Variants in MDFIC observed in about 807,000 individuals in gnomAD.
MDFIC encodes the protein MyoD family inhibitor domain containing.
MDFIC carries 17 observed loss-of-function variants against 23.2 expected under a neutral mutation model. The observed-to-expected ratio is 0.73, with a 90% CI of 0.50 to 1.10. MDFIC has a LOEUF of 1.10. MDFIC is among the 50% of genes least tolerant of loss of function. The pLI, the probability that MDFIC is intolerant of heterozygous loss-of-function variation, is 0.00. For synonymous variants in MDFIC, 120 were observed against 115.2 expected (o/e 1.04, Z -0.27); for missense variants, 356 against 316.6 (o/e 1.12, Z -0.95).
intron 3 of MDFIC, among the ~76,000 whole-genome samples, chr7:114,952,898 C>T (rs1198126764): frequency 6.6e-6 from 1 of 152,138 alleles, no homozygotes; most frequent in African/African-American, 2.4e-5. Context: ...ATTGCAAAGG[C>T]GCTGTCATAA....
chr7:114,988,454 A>G (rs1793549792), intron 4 of MDFIC, among the ~76,000 whole-genome samples: 1 of 152,138 alleles, frequency 6.6e-6, no homozygotes, highest in Admixed American at 6.6e-5. Context: ...GCTGGAGATG[A>G]AAGTTTGTTC....
chr7:114,950,449 T>C (rs991974574), intron 3 of MDFIC, among the ~76,000 whole-genome samples: 4 of 152,054 alleles, frequency 2.6e-5, no homozygotes, highest in Admixed American at 1.3e-4. Flanking sequence ...GCTACGGCTA[T>C]AAAATGGGTA....
intron 3 of MDFIC, among the ~76,000 whole-genome samples, chr7:114,971,065 T>C (rs1478912665): frequency 1.3e-5 from 2 of 152,238 alleles, no homozygotes; most frequent in Non-Finnish European, 2.9e-5. Flanking sequence ...TTAATAAAGC[T>C]GTCTACTTTT....
At chr7:115,015,059 G>A (rs1011147059) in intron 4 of MDFIC, among the ~76,000 whole-genome samples, 2 of 152,128 alleles carry the variant, frequency 1.3e-5, no homozygotes, top group Non-Finnish European at 2.9e-5. Context: ...CAGAAGAACC[G>A]TTCTAGAAAT....
intron 4 of MDFIC, among the ~76,000 whole-genome samples, chr7:114,990,469 T>A (rs1002087437): frequency 6.6e-6 from 1 of 152,194 alleles, no homozygotes; most frequent in Non-Finnish European, 1.5e-5. Flanking sequence ...TCATTTACAT[T>A]AGGTATATCT....
At chr7:114,939,743 C>T (rs1792501179) in intron 2 of MDFIC, among the ~76,000 whole-genome samples, 2 of 152,120 alleles carry the variant, frequency 1.3e-5, no homozygotes, top group Admixed American at 1.3e-4. Flanking sequence ...TTTATTCATA[C>T]CTATTTTCTT....
chr7:115,005,730 C>T (rs970290266), intron 4 of MDFIC, among the ~76,000 whole-genome samples: 1 of 152,186 alleles, frequency 6.6e-6, no homozygotes, highest in African/African-American at 2.4e-5. Flanking sequence ...TGTTTGTACA[C>T]TAAATTAAGG....
chr7:114,951,227 A>G (rs1792762536), intron 3 of MDFIC, among the ~76,000 whole-genome samples: 1 of 109,040 alleles, frequency 9.2e-6, no homozygotes. Context: ...TAGGAAGAAT[A>G]GCCAGTTGGT....
chr7:114,943,005 T>G (rs1447972241), intron 3 of MDFIC, among the ~76,000 whole-genome samples: 1 of 152,160 alleles, frequency 6.6e-6, no homozygotes, highest in Admixed American at 6.5e-5. Flanking sequence ...TAAGTTCCCC[T>G]AGGTGTGTTC....
At chr7:114,994,890 G>T (rs935591768) in intron 4 of MDFIC, among the ~76,000 whole-genome samples, 5 of 152,112 alleles carry the variant, frequency 3.3e-5, no homozygotes, top group East Asian at 1.9e-4. Flanking sequence ...TTTGAACGTT[G>T]GCCTGCCTTG....
intron 3 of MDFIC, among the ~76,000 whole-genome samples, chr7:114,947,653 G>A (rs987987480): frequency 2.0e-5 from 3 of 152,138 alleles, no homozygotes; most frequent in African/African-American, 7.2e-5. Flanking sequence ...TTTGTTTGGA[G>A]CATTTAATGT....
intron 2 of MDFIC, among the ~76,000 whole-genome samples, chr7:114,924,539 G>A (rs1367527175): frequency 6.6e-6 from 1 of 152,064 alleles, no homozygotes; most frequent in Non-Finnish European, 1.5e-5. Context: ...GCTGGATGGT[G>A]TCATGTGATC....
At chr7:114,922,754 A>G in intron 1 of MDFIC, 118 bp downstream of exon 1, 10 of 1,297,664 alleles carry the variant, frequency 7.7e-6, no homozygotes, top group Non-Finnish European at 1.0e-5. Flanking sequence ...GACCCCTGGG[A>G]CCCCGCCGCT....
chr7:114,985,597 A>T (rs955095864), intron 4 of MDFIC, among the ~76,000 whole-genome samples: 2 of 151,880 alleles, frequency 1.3e-5, no homozygotes, highest in Non-Finnish European at 2.9e-5. Context: ...TATTAAGCCT[A>T]GTGCCTACTG....
intron 4 of MDFIC, among the ~76,000 whole-genome samples, chr7:114,996,837 A>C (rs559029453): frequency 1.3e-5 from 2 of 152,330 alleles, no homozygotes; most frequent in Admixed American, 1.3e-4. Flanking sequence ...TGCCCAGAAC[A>C]TAGATAAAGT....
rs1483664091 is a variant in MDFIC at position 115,017,631 on chromosome 7, A to G, written c.*1696A>G. The stretch of plus-strand genomic sequence containing the variant: ...AAGTGTAAAGAAATCAGTCAATTAC[A>G]AGAGTAATTGTATAGTTATTGAGAC... On this transcript the variant is annotated 3_prime_UTR_variant, in exon 5 of 5. Transcript: ENST00000393486. 1 of 152,346 alleles carries G rather than the reference A, an allele frequency of 6.6e-6. No homozygotes were observed. Among genetic ancestry groups the G allele is most frequent in the Non-Finnish European group, 1.5e-5 (1 of 67,890 alleles). The allele number at this position is 152,346 out of a possible 1,614,324, so 9.4% of individuals were successfully genotyped here. A position where few individuals can be genotyped will look rare whatever the true frequency, so the allele number is the denominator to read the frequency against.
intron 3 of MDFIC, among the ~76,000 whole-genome samples, chr7:114,964,652 G>A (rs538920078): frequency 1.3e-5 from 2 of 152,184 alleles, no homozygotes; most frequent in Admixed American, 1.3e-4. Context: ...CTGAGTTCAA[G>A]CGATTCTCGT....
chr7:114,990,080 A>G (rs1325570424), intron 4 of MDFIC, among the ~76,000 whole-genome samples: 1 of 152,220 alleles, frequency 6.6e-6, no homozygotes, highest in Non-Finnish European at 1.5e-5. Context: ...ATGCAGACAA[A>G]TGGGAAACAG....
intron 3 of MDFIC, among the ~76,000 whole-genome samples, chr7:114,952,416 A>AT (rs11447829): frequency 0.4 from 58,808 of 146,684 alleles, 11,896 homozygotes; most frequent in Middle Eastern, 0.5. Context: ...GATTTGCTCC[A>AT]TTTTTTTTTT....
Sources: gnomAD v4.1 joint callset for allele counts (sites outside exome capture counted in the v4.1 genomes callset) on GRCh38, gnomAD v4.1.1 for gene constraint, MANE v1.5 for transcripts, NCBI Gene and HGNC (gene_info 2026-07-23, HGNC 2026-07-21) for gene names.